VPS13A: variants seen among roughly 807,000 people sequenced by gnomAD.
VPS13A encodes vacuolar protein sorting 13 homolog A.
Under a neutral mutation model 390.9 loss-of-function variants are expected in VPS13A, and 264 were observed. The ratio of observed to expected loss-of-function variants is 0.68; its 90% confidence interval spans 0.61 to 0.75. The LOEUF (loss-of-function observed/expected upper bound fraction) is 0.75. Ranked by LOEUF, VPS13A falls within the 30% of genes least tolerant of loss-of-function variation. VPS13A has a pLI of 0.00. For missense variants in VPS13A, 3,409 were observed against 3,733.9 expected, an observed-to-expected ratio of 0.91 and a Z score of 2.27; for synonymous variants, 1,231 against 1,227.1, an observed-to-expected ratio of 1.00 and a Z score of -0.07.
chr9:77,207,241 A>ACATG (rs1455995422), intron 5 of VPS13A, among the ~76,000 whole-genome samples: 1 of 110,884 alleles, frequency 9.0e-6, no homozygotes, highest in Non-Finnish European at 1.9e-5. Context: ...ATATATATAT[A>ACATG]TATATATATA....
chr9:77,230,324 A>T (rs554754383), intron 17 of VPS13A, among the ~76,000 whole-genome samples: 1 of 151,824 alleles, frequency 6.6e-6, no homozygotes, highest in Non-Finnish European at 1.5e-5. Context: ...ACAAATATAT[A>T]CTCCTATATA....
chr9:77,392,838 C>T (rs1442742817), intron 68 of VPS13A, among the ~76,000 whole-genome samples: 1 of 147,478 alleles, frequency 6.8e-6, no homozygotes, highest in African/African-American at 2.5e-5. Context: ...AAATCCTGAT[C>T]ATCTGAAGCC....
intron 1 of VPS13A, among the ~76,000 whole-genome samples, chr9:77,178,388 G>T (rs1326476635): frequency 1.3e-5 from 2 of 152,212 alleles, no homozygotes; most frequent in Admixed American, 6.5e-5. Context: ...CCCGGACGCC[G>T]GCTCTCTCTC....
Position 77,306,414 on chromosome 9 carries a change from T to TTTGTGTG in VPS13A, c.3961-1530_3961-1529insTGTGTGT, listed in dbSNP as rs1554885537. ...AGAGAGAGAGAGAGTGTGTGTGTGT[T>TTTGTGTG]TGTGTGTGTGTGTGTGTGTGTGTGT... is the stretch of plus-strand genomic sequence containing the variant. On this transcript the variant is annotated intron_variant, in intron 34 of 71. Transcript: ENST00000360280. Among the ~76,000 whole-genome samples the TTTGTGTG allele has an allele frequency of 2.8e-5, 4 of 140,880 alleles. No homozygotes were observed. In the East Asian group the frequency reaches 8.3e-4, roughly 29 times the overall value. The allele number at this position is 140,880 out of a possible 152,430, so 92.4% of individuals were successfully genotyped here.
At chr9:77,247,165 T>G in intron 19 of VPS13A, 94 bp from the exon 20 acceptor site, 1 of 1,084,652 alleles carries the variant, frequency 9.2e-7, no homozygotes. Context: ...TAATTTTACA[T>G]TAAGATTGTT....
intron 17 of VPS13A, among the ~76,000 whole-genome samples, chr9:77,228,820 C>T (rs1368509907): frequency 6.6e-6 from 1 of 152,064 alleles, no homozygotes; most frequent in East Asian, 1.9e-4. Flanking sequence ...AGGCGAAAGG[C>T]ACCTCTTCCC....
At position 77,418,913 on chromosome 9, in the gene VPS13A, C is replaced by T. The variant is rs1835257581; in HGVS notation, c.*2907C>T. On this transcript the variant is annotated 3_prime_UTR_variant, in exon 72 of 72. Transcript: ENST00000360280. ...AAGATTAAATTAAAAGGACTCTACA[C>T]AGTGCTGAATTTCCTGCACCTAAAT... is the stretch of plus-strand genomic sequence containing the variant. 1 of 152,198 alleles carries T rather than the reference C, an allele frequency of 6.6e-6. No homozygotes were observed. The highest frequency in any genetic ancestry group is 2.4e-5 in the African/African-American group (1 of 41,458). 9.4% of individuals were successfully genotyped at this position (152,198 alleles called of 1,614,324 possible).
chr9:77,348,706 T>C (rs1383284253), intron 52 of VPS13A, among the ~76,000 whole-genome samples: 1 of 152,176 alleles, frequency 6.6e-6, no homozygotes, highest in African/African-American at 2.4e-5. Context: ...GATAGCACCT[T>C]TACATATGTA....
intron 46 of VPS13A, among the ~76,000 whole-genome samples, chr9:77,334,528 T>C (rs528670503): frequency 1.3e-5 from 2 of 152,328 alleles, no homozygotes; most frequent in Non-Finnish European, 2.9e-5. Context: ...ACTTGGCAAA[T>C]ACCTTGCAGT....
At chr9:77,415,400 C>A (rs1835131633) in intron 71 of VPS13A, among the ~76,000 whole-genome samples, 1 of 152,156 alleles carries the variant, frequency 6.6e-6, no homozygotes, top group African/African-American at 2.4e-5. Context: ...TTAGAATAAG[C>A]CCTGTATCAC....
chr9:77,306,414 T>TTTG (rs1554885537), intron 34 of VPS13A, among the ~76,000 whole-genome samples: 2 of 140,782 alleles, frequency 1.4e-5, no homozygotes. Flanking sequence ...GTGTGTGTGT[T>TTTG]TGTGTGTGTG....
At chr9:77,363,408 T>C (rs529471044) in intron 59 of VPS13A, among the ~76,000 whole-genome samples, 1 of 145,078 alleles carries the variant, frequency 6.9e-6, no homozygotes, top group Non-Finnish European at 1.5e-5. Flanking sequence ...TTTTTTATTT[T>C]TTTTTTTTTT....
chr9:77,380,867 T>G (rs1454512388), intron 67 of VPS13A, among the ~76,000 whole-genome samples: 1 of 152,210 alleles, frequency 6.6e-6, no homozygotes, highest in Non-Finnish European at 1.5e-5. Flanking sequence ...CGCCTTCTTA[T>G]GAGAATCTGA....
At chr9:77,307,672 T>C (rs1828835423) in intron 34 of VPS13A, among the ~76,000 whole-genome samples, 1 of 152,220 alleles carries the variant, frequency 6.6e-6, no homozygotes, top group Non-Finnish European at 1.5e-5. Context: ...TTTAAAGGTT[T>C]AAAATTACTA....
At position 77,344,177 on chromosome 9, in the gene VPS13A, G is replaced by C. The variant is rs1202040271; in HGVS notation, c.7051G>C (p.Ala2351Pro). 1 of 1,608,512 alleles carries C rather than the reference G, an allele frequency of 6.2e-7. No individual in the cohort carries two copies. Among genetic ancestry groups the C allele is most frequent in the Non-Finnish European group, 8.5e-7 (1 of 1,175,266 alleles). The change falls in exon 51 of 72, where the codon GCT (alanine) becomes CCT (proline). Residue 2351 changes from alanine to proline, a missense_variant. By Grantham distance (27) the Ala-to-Pro change is conservative. Coordinates refer to ENST00000360280, the MANE Select transcript of VPS13A (RefSeq NM_033305.3). ...GTGTATCCCCTTTTGGCCTGAGTAT[G>C]CTTCTAGTAAACTTCTTATTCAAGT... ...EQCIPFWPEY[A>P]SSKLLIQVER...
chr9:77,304,182 C>G (rs1208614743), intron 34 of VPS13A, among the ~76,000 whole-genome samples: 1 of 152,114 alleles, frequency 6.6e-6, no homozygotes, highest in Non-Finnish European at 1.5e-5. Flanking sequence ...TGACTTTTAC[C>G]AAGTATACTG....
At chr9:77,259,473 G>A (rs1478321333) in intron 22 of VPS13A, among the ~76,000 whole-genome samples, 5 of 152,172 alleles carry the variant, frequency 3.3e-5, no homozygotes, top group African/African-American at 9.7e-5. Flanking sequence ...ATCAGTGTGC[G>A]TACGTGGAAA....
intron 6 of VPS13A, among the ~76,000 whole-genome samples, chr9:77,210,344 A>G (rs1236943530): frequency 1.4e-5 from 1 of 71,426 alleles, no homozygotes; most frequent in Admixed American, 1.6e-4. Flanking sequence ...TGATCCTCCC[A>G]CCTCACCCCC....
chr9:77,226,676 G>A, intron 15 of VPS13A, 78 bp downstream of exon 15: 1 of 1,386,138 alleles, frequency 7.2e-7, no homozygotes, highest in African/African-American at 1.4e-5. Context: ...CCTAATTAAA[G>A]TAAATAGACA....
Sources: allele counts gnomAD v4.1 joint callset (sites outside exome capture counted in the v4.1 genomes callset), GRCh38; gene constraint gnomAD v4.1.1; transcripts MANE v1.5; gene names NCBI Gene and HGNC (gene_info 2026-07-23, HGNC 2026-07-21).